GOT1: variants seen among roughly 807,000 people sequenced by gnomAD.
The protein encoded by GOT1 is aspartate aminotransferase, cytoplasmic.
In GOT1, 25 loss-of-function variants were observed where a neutral mutation model predicts 48.2. The ratio of observed to expected loss-of-function variants is 0.52; its 90% confidence interval spans 0.38 to 0.72. The LOEUF (loss-of-function observed/expected upper bound fraction) is 0.72, where lower values mean the gene tolerates loss of function less well. Ranked by LOEUF, GOT1 falls within the 30% of genes least tolerant of loss-of-function variation. GOT1 has a pLI of 0.00. For synonymous variants in GOT1, 188 were observed against 193.8 expected (o/e 0.97, Z 0.25); for missense variants, 380 against 520.1 (o/e 0.73, Z 2.62).
chr10:99,422,357 C>T (rs577688175), intron 1 of GOT1, among the ~76,000 whole-genome samples: 1 of 152,252 alleles, frequency 6.6e-6, no homozygotes, highest in Non-Finnish European at 1.5e-5. Flanking sequence ...TACCCAGTCT[C>T]AGGTAGTTCT....
intron 2 of GOT1, among the ~76,000 whole-genome samples, chr10:99,407,358 T>C (rs2032773749): frequency 6.6e-6 from 1 of 152,214 alleles, no homozygotes; most frequent in African/African-American, 2.4e-5. Flanking sequence ...TCAGGCTTAT[T>C]AATCCTTAGA....
chr10:99,401,016 T>C (rs907386200), intron 8 of GOT1, among the ~76,000 whole-genome samples: 1 of 152,224 alleles, frequency 6.6e-6, no homozygotes, highest in Admixed American at 6.5e-5. Flanking sequence ...GCGCTAAAAA[T>C]ATAACTTTTG....
At chr10:99,424,792 T>C (rs1275117441) in intron 1 of GOT1, among the ~76,000 whole-genome samples, 2 of 152,182 alleles carry the variant, frequency 1.3e-5, no homozygotes, top group Non-Finnish European at 2.9e-5. Flanking sequence ...GCCCAGTTTT[T>C]CCCAGGTTGA....
chr10:99,403,919 C>T (rs934711741), intron 5 of GOT1, 45 bp from the exon 6 acceptor site: 6 of 1,602,474 alleles, frequency 3.7e-6, no homozygotes, highest in Non-Finnish European at 5.1e-6. Context: ...CCTTCTGGCA[C>T]CAACCTCAGA....
intron 6 of GOT1, 26 bp from the exon 7 acceptor site, chr10:99,403,660 G>A (rs1340328088): frequency 4.3e-6 from 7 of 1,613,900 alleles, no homozygotes; most frequent in Non-Finnish European, 5.9e-6. Flanking sequence ...AGAATCAGCT[G>A]TGGCTGCTGA....
Position 99,430,529 on chromosome 10 carries a change from C to A in GOT1, c.37G>T (p.Ala13Ser). 1.2e-6 allele frequency: 2 copies of A among 1,609,208 alleles called. No individual in the cohort carries two copies. The highest frequency in any genetic ancestry group is 1.7e-6 in the Non-Finnish European group (2 of 1,177,258). Reference protein sequence around the residue: ...PPSVFAEVPQAQPVLVFKLTA... With the variant: ...PPSVFAEVPQSQPVLVFKLTA... ...AGCTTGAAGACCAGGACAGGCTGGG[C>A]CTGCGGAACCTCGGCAAAGACTGAC... Residue 13 changes from alanine to serine, a missense_variant, in exon 1 of 9, where the codon GCC (alanine) becomes TCC (serine). By Grantham distance (99) the Ala-to-Ser change is moderately conservative. Coordinates refer to ENST00000370508, the MANE Select transcript of GOT1 (RefSeq NM_002079.3).
chr10:99,418,061 A>ATAT (rs980080696), intron 2 of GOT1, among the ~76,000 whole-genome samples: 69 of 149,142 alleles, frequency 4.6e-4, no homozygotes, highest in African/African-American at 1.6e-3. Flanking sequence ...TAAAAAAAAA[A>ATAT]ATATATATAT....
At chr10:99,428,988 G>A (rs60810864) in intron 1 of GOT1, among the ~76,000 whole-genome samples, 3,282 of 151,268 alleles carry the variant, frequency 0.022, 130 homozygotes, top group African/African-American at 0.075. Flanking sequence ...CAAATTACCC[G>A]CTTCAACAAA....
intron 1 of GOT1, among the ~76,000 whole-genome samples, chr10:99,428,679 T>G (rs2033072253): frequency 1.3e-5 from 2 of 152,220 alleles, no homozygotes; most frequent in African/African-American, 4.8e-5. Context: ...TTTAAAAAGA[T>G]GTATTTAGAT....
chr10:99,406,448 C>A (rs917189583), intron 3 of GOT1, among the ~76,000 whole-genome samples, 199 bp from the exon 4 acceptor site: 1 of 152,198 alleles, frequency 6.6e-6, no homozygotes, highest in African/African-American at 2.4e-5. Flanking sequence ...TTATATTCTA[C>A]TACAATGATA....
intron 2 of GOT1, among the ~76,000 whole-genome samples, chr10:99,413,437 A>G (rs2032853347): frequency 6.6e-6 from 1 of 152,248 alleles, no homozygotes; most frequent in Admixed American, 6.5e-5. Context: ...ATATGCGACT[A>G]TGTGAAAAGA....
At chr10:99,399,096 A>G (rs1358232015) in intron 8 of GOT1, among the ~76,000 whole-genome samples, 2 of 152,216 alleles carry the variant, frequency 1.3e-5, no homozygotes, top group African/African-American at 2.4e-5. Flanking sequence ...GAGGGCCTAC[A>G]TACAGAAGTA....
At chr10:99,429,333 C>T (rs1168555245) in intron 1 of GOT1, among the ~76,000 whole-genome samples, 1 of 151,406 alleles carries the variant, frequency 6.6e-6, no homozygotes, top group East Asian at 2.0e-4. Context: ...CAGGCCTGAG[C>T]CACCGCGCCC....
At chr10:99,423,884 G>A (rs1024321545) in intron 1 of GOT1, among the ~76,000 whole-genome samples, 2 of 151,802 alleles carry the variant, frequency 1.3e-5, no homozygotes, top group East Asian at 1.9e-4. Flanking sequence ...TCAAACTCCT[G>A]GGCTCAAGCA....
Position 99,402,581 on chromosome 10 carries a change from G to T in GOT1, c.1101C>A (p.Asn367Lys). ...QIGMFSFTGL[N>K]PKQVEYLVNE... is the part of the protein sequence containing the mutation. ...CTGGAGGTGGTGGGGGCCACTTACGGTTCAACCCAGTGAAGCTGAACATGC... is the reference window on the plus strand; with the variant it reads ...CTGGAGGTGGTGGGGGCCACTTACGTTTCAACCCAGTGAAGCTGAACATGC... The change falls in exon 8 of 9, where the codon AAC becomes AAA. Residue 367 changes from asparagine to lysine, a missense_variant and splice_region_variant. Coordinates refer to ENST00000370508, the MANE Select transcript of GOT1 (RefSeq NM_002079.3). 1.2e-6 allele frequency: 2 copies of T among 1,614,170 alleles called. No homozygotes were observed. The highest frequency in any genetic ancestry group is 1.7e-6 in the Non-Finnish European group (2 of 1,180,004).
chr10:99,405,691 G>C, intron 5 of GOT1, 65 bp downstream of exon 5: 1 of 813,576 alleles, frequency 1.2e-6, no homozygotes, highest in Non-Finnish European at 2.2e-6. Flanking sequence ...AACAGGTATT[G>C]CTTCTACATA....
rs1377121427 is a variant in GOT1, at chr10:99,417,146, T to A, written c.300+3478A>T. On this transcript the variant is annotated intron_variant, in intron 2 of 8. Transcript: ENST00000370508. ...CTACCATCAGAGTGAACAGGCAACC[T>A]ACAGAATGGGAGAACATTTTTGCAA... 8.5e-5 allele frequency among the ~76,000 whole-genome samples: 13 copies of A among 152,264 alleles called. No individual in the cohort carries two copies. In the South Asian group the frequency reaches 2.5e-3, roughly 29 times the overall value.
At chr10:99,413,106 T>C (rs2032848615) in intron 2 of GOT1, among the ~76,000 whole-genome samples, 1 of 152,172 alleles carries the variant, frequency 6.6e-6, no homozygotes, top group East Asian at 1.9e-4. Context: ...CTTTGACGAG[T>C]TGAGAGAAGA....
chr10:99,397,340 C>A lies in GOT1; in HGVS notation c.*207G>T, dbSNP rs1349838804. 12 of 600,644 alleles carry A rather than the reference C, an allele frequency of 2.0e-5. No individual in the cohort carries two copies. In the African/African-American group the frequency reaches 2.2e-4, roughly 11 times the overall value. 37.2% of individuals were successfully genotyped at this position (600,644 alleles called of 1,614,324 possible). ...AATAAAAATCTTAATTTGCTTTGAC[C>A]TCCAAAGGCTCTAATCCCAGTCTCC... On this transcript the variant is annotated 3_prime_UTR_variant, in exon 9 of 9. Coordinates refer to ENST00000370508, the MANE Select transcript of GOT1 (RefSeq NM_002079.3). This position sits in a 1 kb window ranked among gnomAD's most constrained non-coding sequence, Gnocchi z 5.4.
Sources: gnomAD v4.1 joint callset for allele counts (sites outside exome capture counted in the v4.1 genomes callset) on GRCh38, gnomAD v4.1.1 for gene constraint, Gnocchi (gnomAD v3.1) non-coding constraint, MANE v1.5 for transcripts, NCBI Gene and HGNC (gene_info 2026-07-23, HGNC 2026-07-21) for gene names.